Variants in HACD2 observed in about 807,000 individuals in gnomAD.
HACD2 encodes the protein very-long-chain (3R)-3-hydroxyacyl-CoA dehydratase 2.
In HACD2, 15 loss-of-function variants were observed where a neutral mutation model predicts 31.0. That is an observed-to-expected ratio of 0.48 (90% CI 0.32 to 0.75). The LOEUF (loss-of-function observed/expected upper bound fraction) is 0.75, where lower values mean the gene tolerates loss of function less well. HACD2 is among the 30% of genes least tolerant of loss of function. The pLI is 0.03. For synonymous variants in HACD2, 115 were observed against 122.2 expected, an observed-to-expected ratio of 0.94 and a Z score of 0.39; for missense variants, 283 against 313.0, an observed-to-expected ratio of 0.90 and a Z score of 0.72.
At position 123,492,970 on chromosome 3, in the gene HACD2, CAG is replaced by C. The variant is rs2055782475; in HGVS notation, c.*1916_*1917del. 1 of 152,172 alleles carries C rather than the reference CAG, an allele frequency of 6.6e-6. No individual in the cohort carries two copies. 9.4% of individuals were successfully genotyped at this position (152,172 alleles called of 1,614,324 possible). On this transcript the variant is annotated 3_prime_UTR_variant, in exon 7 of 7. Transcript: ENST00000383657. ...CAAGTTGAGTGCTGACTTTAAGAAG[CAG>C]AATTTTAATGTTCAATTCAAAAATA...
intron 2 of HACD2, among the ~76,000 whole-genome samples, chr3:123,576,702 C>A (rs1346776888): frequency 6.6e-6 from 1 of 152,130 alleles, no homozygotes; most frequent in Admixed American, 6.5e-5. Context: ...TAACAGACAA[C>A]GGTTATGTCC....
At chr3:123,581,283 C>T (rs915072072) in intron 2 of HACD2, among the ~76,000 whole-genome samples, 1 of 152,096 alleles carries the variant, frequency 6.6e-6, no homozygotes, top group Admixed American at 6.5e-5. Context: ...CGAACTATGG[C>T]GGCTATTGAT....
At chr3:123,558,016 TG>T (rs1320087464) in intron 3 of HACD2, among the ~76,000 whole-genome samples, 7 of 152,246 alleles carry the variant, frequency 4.6e-5, no homozygotes, top group Non-Finnish European at 2.9e-5. Flanking sequence ...TGGCAAAACC[TG>T]GTAGCAACCA....
chr3:123,540,632 G>C (rs942149311), intron 3 of HACD2, among the ~76,000 whole-genome samples: 4 of 152,144 alleles, frequency 2.6e-5, no homozygotes, highest in African/African-American at 9.7e-5. Context: ...CATTCCAATA[G>C]GAAATTCCCA....
chr3:123,548,777 C>T (rs1211050069), intron 3 of HACD2, among the ~76,000 whole-genome samples: 1 of 151,854 alleles, frequency 6.6e-6, no homozygotes, highest in East Asian at 1.9e-4. Context: ...TGTGTGTCAC[C>T]ATGCCTGGCT....
chr3:123,503,197 G>A (rs2055927165), intron 4 of HACD2, among the ~76,000 whole-genome samples: 1 of 151,730 alleles, frequency 6.6e-6, no homozygotes, highest in Non-Finnish European at 1.5e-5. Context: ...CCCGGGAGGC[G>A]GAGTTTGCAG....
intron 2 of HACD2, among the ~76,000 whole-genome samples, chr3:123,576,375 C>T (rs2056907917): frequency 6.6e-6 from 1 of 151,918 alleles, no homozygotes; most frequent in South Asian, 2.1e-4. Context: ...TGGGTGGGTT[C>T]CTGTTTCCTT....
chr3:123,541,338 G>C (rs1038030981), intron 3 of HACD2, among the ~76,000 whole-genome samples: 2 of 152,124 alleles, frequency 1.3e-5, no homozygotes, highest in Non-Finnish European at 2.9e-5. Context: ...AAACAACAAG[G>C]TTGAGAGAAT....
chr3:123,576,304 T>A (rs1421671927), intron 2 of HACD2, among the ~76,000 whole-genome samples: 1 of 152,010 alleles, frequency 6.6e-6, no homozygotes, highest in Non-Finnish European at 1.5e-5. Flanking sequence ...CTATTGTACC[T>A]CTTTGAATAC....
At chr3:123,569,700 C>A (rs1188615611) in intron 2 of HACD2, among the ~76,000 whole-genome samples, 1 of 151,976 alleles carries the variant, frequency 6.6e-6, no homozygotes, top group Non-Finnish European at 1.5e-5. Context: ...GCAAGACACC[C>A]AGACTGGCCA....
At chr3:123,567,650 T>G in intron 3 of HACD2, 112 bp downstream of exon 3, 2 of 699,392 alleles carry the variant, frequency 2.9e-6, no homozygotes, top group South Asian at 4.3e-5. Context: ...ACATGATGAC[T>G]AAATCATTTC....
chr3:123,559,897 T>C (rs928431625), intron 3 of HACD2, among the ~76,000 whole-genome samples: 2 of 152,190 alleles, frequency 1.3e-5, no homozygotes, highest in Admixed American at 1.3e-4. Flanking sequence ...AAGTGCGAGG[T>C]ACCAGGTGGT....
At chr3:123,508,800 C>T (rs1207187654) in intron 4 of HACD2, among the ~76,000 whole-genome samples, 2 of 152,146 alleles carry the variant, frequency 1.3e-5, no homozygotes, top group Non-Finnish European at 2.9e-5. Flanking sequence ...GGGGCTTAAA[C>T]AAGAGAAAAG....
chr3:123,537,277 A>G lies in HACD2; in HGVS notation c.293-8803T>C, dbSNP rs543527336. ...CTAGAATTTTCATAACTTTTTTCTT[A>G]TATCTTTTAGCAAATAGTGTTGCCA... On this transcript the variant is annotated intron_variant, in intron 3 of 6. Coordinates refer to ENST00000383657, the MANE Select transcript of HACD2 (RefSeq NM_198402.5). Among the ~76,000 whole-genome samples the G allele has an allele frequency of 2.6e-5, 4 of 152,262 alleles. 1 individual carries two copies. Among genetic ancestry groups the G allele is most frequent in the African/African-American group, 9.6e-5 (4 of 41,554 alleles).
chr3:123,574,304 G>A (rs2056885927), intron 2 of HACD2, among the ~76,000 whole-genome samples: 1 of 152,278 alleles, frequency 6.6e-6, no homozygotes, highest in Non-Finnish European at 1.5e-5. Flanking sequence ...TGCTTTTCTT[G>A]ACACTTGGTC....
intron 5 of HACD2, among the ~76,000 whole-genome samples, chr3:123,501,742 TC>T (rs2055904785): frequency 6.6e-6 from 1 of 152,218 alleles, no homozygotes; most frequent in Non-Finnish European, 1.5e-5. Context: ...TGTTTCCCAT[TC>T]TTCCCCTTTC....
At chr3:123,510,892 C>T (rs539992777) in intron 4 of HACD2, among the ~76,000 whole-genome samples, 13 of 150,136 alleles carry the variant, frequency 8.7e-5, no homozygotes, top group East Asian at 7.8e-4. Flanking sequence ...ACCAACAGTG[C>T]GCAACAAGAG....
intron 6 of HACD2, chr3:123,499,587 T>C (rs2055877782): frequency 2.2e-6 from 1 of 454,676 alleles, no homozygotes; most frequent in African/African-American, 2.0e-5. Context: ...GTTAGGGTGA[T>C]TCATTCCGAT....
chr3:123,570,308 G>T (rs531816214), intron 2 of HACD2, among the ~76,000 whole-genome samples: 1 of 152,002 alleles, frequency 6.6e-6, no homozygotes, highest in Non-Finnish European at 1.5e-5. Flanking sequence ...TTCAAAATAC[G>T]TATTTCAACT....
Sources: allele counts gnomAD v4.1 joint callset (sites outside exome capture counted in the v4.1 genomes callset), GRCh38; gene constraint gnomAD v4.1.1; transcripts MANE v1.5; gene names NCBI Gene and HGNC (gene_info 2026-07-23, HGNC 2026-07-21).